The following FHIT variants were observed in gnomAD, a reference collection of about 807,000 sequenced individuals.
FHIT encodes fragile histidine triad diadenosine triphosphatase.
Under a neutral mutation model 17.9 loss-of-function variants are expected in FHIT, and 19 were observed. That is an observed-to-expected ratio of 1.06 (90% CI 0.74 to 1.56). FHIT has a LOEUF of 1.56. Ranked by LOEUF, FHIT falls within the 40% of genes most tolerant of loss-of-function variation. The pLI, the probability that FHIT is intolerant of heterozygous loss-of-function variation, is 0.00. For missense variants in FHIT, 248 were observed against 189.2 expected (o/e 1.31, Z -1.82); for synonymous variants, 81 against 69.7 (o/e 1.16, Z -0.81).
chr3:60,054,595 T>G (rs1263265424), intron 5 of FHIT, among the ~76,000 whole-genome samples: 1 of 152,170 alleles, frequency 6.6e-6, no homozygotes. Context: ...GCGCATTATT[T>G]TCCCTATAGA....
At chr3:60,711,648 T>C (rs1235949802) in intron 4 of FHIT, among the ~76,000 whole-genome samples, 1 of 152,018 alleles carries the variant, frequency 6.6e-6, no homozygotes, top group East Asian at 1.9e-4. Flanking sequence ...CAGGAGCCAA[T>C]GTGATCAACT....
chr3:60,057,092 C>T (rs1702112779), intron 5 of FHIT, among the ~76,000 whole-genome samples: 1 of 152,102 alleles, frequency 6.6e-6, no homozygotes, highest in Non-Finnish European at 1.5e-5. Flanking sequence ...GGTGGAACTT[C>T]TGGGGGTGGG....
intron 8 of FHIT, among the ~76,000 whole-genome samples, chr3:59,833,569 T>G (rs1318703559): frequency 1.3e-5 from 2 of 152,204 alleles, no homozygotes; most frequent in East Asian, 3.8e-4. Flanking sequence ...AATAAATTTC[T>G]AATTTTTTAA....
chr3:60,460,302 G>C (rs991954929), intron 5 of FHIT, among the ~76,000 whole-genome samples: 1 of 152,068 alleles, frequency 6.6e-6, no homozygotes, highest in East Asian at 1.9e-4. Context: ...GCCAGAATGA[G>C]AGGTTTATAA....
At chr3:60,087,073 A>G (rs1559620142) in intron 5 of FHIT, among the ~76,000 whole-genome samples, 2 of 152,226 alleles carry the variant, frequency 1.3e-5, no homozygotes. Flanking sequence ...CTGCAGACGT[A>G]ACGTCATGCA....
chr3:61,244,931 C>T (rs1032476884), intron 1 of FHIT, among the ~76,000 whole-genome samples: 12 of 152,088 alleles, frequency 7.9e-5, no homozygotes, highest in Non-Finnish European at 1.3e-4. Flanking sequence ...GCTTTTCTCT[C>T]GTTAATCTGT....
At chr3:60,776,831 G>T (rs1439122699) in intron 4 of FHIT, among the ~76,000 whole-genome samples, 2 of 152,316 alleles carry the variant, frequency 1.3e-5, no homozygotes, top group East Asian at 1.9e-4. Flanking sequence ...TTTGCCTAGG[G>T]TTAAGGATTG....
chr3:60,788,242 G>A (rs1553727504), intron 4 of FHIT, among the ~76,000 whole-genome samples: 1 of 152,138 alleles, frequency 6.6e-6, no homozygotes, highest in African/African-American at 2.4e-5. Flanking sequence ...AGTGCACTAT[G>A]ATTGCACCAC....
rs902945729 is a variant in FHIT, at chr3:60,678,592, T to C, written c.-17-141613A>G. ...GTCATCAAAATCTAGAGTTTGACAA[T>C]TTCCAGGCCTTATCCTGACCTTCTC... On this transcript the variant is annotated intron_variant, in intron 4 of 9. Transcript: ENST00000492590. Among the ~76,000 whole-genome samples, 3 of 152,140 alleles carry C rather than the reference T, an allele frequency of 2.0e-5. No homozygotes were observed. In the East Asian group the frequency reaches 5.8e-4, roughly 29 times the overall value.
At chr3:61,100,534 T>C (rs1185065112) in intron 2 of FHIT, among the ~76,000 whole-genome samples, 1 of 152,190 alleles carries the variant, frequency 6.6e-6, no homozygotes, top group Non-Finnish European at 1.5e-5. Context: ...TGTGCATATG[T>C]CTTTATAGTA....
At chr3:60,043,299 G>C (rs1256247535) in intron 5 of FHIT, among the ~76,000 whole-genome samples, 1 of 152,224 alleles carries the variant, frequency 6.6e-6, no homozygotes, top group Non-Finnish European at 1.5e-5. Flanking sequence ...ATATAATTCT[G>C]TGTGAACCAA....
chr3:59,966,504 T>C (rs945313603), intron 7 of FHIT, among the ~76,000 whole-genome samples: 1 of 152,168 alleles, frequency 6.6e-6, no homozygotes, highest in Non-Finnish European at 1.5e-5. Context: ...CATACAAACC[T>C]AGATGGTACA....
At chr3:60,823,040 C>T (rs1701981537) in intron 3 of FHIT, among the ~76,000 whole-genome samples, 1 of 152,098 alleles carries the variant, frequency 6.6e-6, no homozygotes. Context: ...ATGGTCAGCT[C>T]AATGTAGTAA....
intron 7 of FHIT, among the ~76,000 whole-genome samples, chr3:59,925,866 G>GA (rs1305363993): frequency 6.6e-6 from 1 of 152,130 alleles, no homozygotes; most frequent in African/African-American, 2.4e-5. Context: ...TCATTGCTGT[G>GA]AAAAAATACC....
chr3:60,090,359 T>G (rs996060400), intron 5 of FHIT, among the ~76,000 whole-genome samples: 1 of 152,198 alleles, frequency 6.6e-6, no homozygotes, highest in Non-Finnish European at 1.5e-5. Flanking sequence ...TTGGGAATAC[T>G]AAATAAGCCC....
rs149821744 is a variant in FHIT, at chr3:59,930,677, A to T, written c.280-8263T>A. Among the ~76,000 whole-genome samples, 528 of 152,264 alleles carry T rather than the reference A, an allele frequency of 3.5e-3. 3 individuals carry two copies. Among genetic ancestry groups the T allele is most frequent in the African/African-American group, 0.012 (504 of 41,586 alleles). ...TTTGCAAAAAGAATTTATTACTAAA[A>T]CAAACAAACAGAAAATCTTTGAAAA... is the stretch of plus-strand genomic sequence containing the variant. On this transcript the variant is annotated intron_variant, in intron 7 of 9. Transcript: ENST00000492590.
In FHIT at chr3:61,062,995, C is replaced by T. The variant is rs79157531; in HGVS notation, c.-163-20896G>A. On this transcript the variant is annotated intron_variant, in intron 2 of 9. Transcript: ENST00000492590. The stretch of plus-strand genomic sequence containing the variant: ...TCATCATTTTCTTCTTCATCATCTT[C>T]GTCAAGATTAGTTTTAAGTGTTGGG... 7.0e-4 allele frequency among the ~76,000 whole-genome samples: 107 copies of T among 152,150 alleles called. 1 individual carries two copies. The East Asian group carries it at 0.019, about 26-fold the overall frequency.
chr3:60,492,442 G>T (rs1420486770), intron 5 of FHIT, among the ~76,000 whole-genome samples: 1 of 151,944 alleles, frequency 6.6e-6, no homozygotes, highest in Non-Finnish European at 1.5e-5. Context: ...TACTTCTTAA[G>T]GTGCAAGAAT....
At chr3:60,665,826 T>A (rs1339660483) in intron 4 of FHIT, among the ~76,000 whole-genome samples, 1 of 152,134 alleles carries the variant, frequency 6.6e-6, no homozygotes, top group African/African-American at 2.4e-5. Context: ...TGTTTTCTAT[T>A]TGATTCCTCT....
Sources: allele counts gnomAD v4.1 joint callset (sites outside exome capture counted in the v4.1 genomes callset), GRCh38; gene constraint gnomAD v4.1.1; transcripts MANE v1.5; gene names NCBI Gene and HGNC (gene_info 2026-07-23, HGNC 2026-07-21).